SHANK2: variants seen among roughly 807,000 people sequenced by gnomAD.
SHANK2 encodes the protein SH3 and multiple ankyrin repeat domains protein 2.
In SHANK2, 43 loss-of-function variants were observed where a neutral mutation model predicts 133.7. The ratio of observed to expected loss-of-function variants is 0.32; its 90% CI spans 0.25 to 0.41. The LOEUF is 0.41. SHANK2 is among the 10% of genes least tolerant of loss of function. The pLI, the probability that SHANK2 is intolerant of heterozygous loss-of-function variation, is 1.00. For missense variants in SHANK2, 1,994 were observed against 2,235.8 expected, an observed-to-expected ratio of 0.89 and a Z score of 2.18; for synonymous variants, 1,017 against 952.8, an observed-to-expected ratio of 1.07 and a Z score of -1.24.
intron 6 of SHANK2, among the ~76,000 whole-genome samples, chr11:71,103,427 G>A (rs1025190305): frequency 1.3e-5 from 2 of 152,208 alleles, no homozygotes; most frequent in African/African-American, 2.4e-5. Context: ...AACCAGGGCA[G>A]TCCCGGGAAA....
At chr11:71,192,786 C>T (rs114514935) in intron 2 of SHANK2, among the ~76,000 whole-genome samples, 1 of 152,208 alleles carries the variant, frequency 6.6e-6, no homozygotes, top group Non-Finnish European at 1.5e-5. Flanking sequence ...GAGAGCTTAT[C>T]AAGCTATCAG....
At chr11:71,140,503 G>C (rs1184454277) in intron 3 of SHANK2, among the ~76,000 whole-genome samples, 1 of 152,236 alleles carries the variant, frequency 6.6e-6, no homozygotes, top group Non-Finnish European at 1.5e-5. Flanking sequence ...GAAGGCCCCT[G>C]ATCTCCCAAC....
chr11:70,927,892 G>C (rs1950450659), intron 10 of SHANK2, among the ~76,000 whole-genome samples: 1 of 152,158 alleles, frequency 6.6e-6, no homozygotes, highest in South Asian at 2.1e-4. Flanking sequence ...GCTCTCCCCA[G>C]CTGACTGCTG....
In SHANK2 at chr11:71,147,100, G is replaced by C; in HGVS notation, c.207+20C>G. 6.5e-7 allele frequency: 1 copy of C among 1,535,852 alleles called. No homozygotes were observed. Among genetic ancestry groups the C allele is most frequent in the South Asian group, 1.2e-5 (1 of 82,896 alleles). On this transcript the variant is annotated intron_variant, in intron 3 of 25. Coordinates refer to ENST00000601538, the MANE Select transcript of SHANK2 (RefSeq NM_012309.5). ...TGACATTGTCCAGATGTGAACCAAA[G>C]GGCAGACCACGGGGCTCACCGTCTG... is the stretch of plus-strand genomic sequence containing the variant.
chr11:71,221,130 G>T (rs1334809289), intron 2 of SHANK2, among the ~76,000 whole-genome samples: 9 of 151,742 alleles, frequency 5.9e-5, no homozygotes, highest in Admixed American at 1.3e-4. Context: ...GAGCCCGGGA[G>T]GCGGAGGTTG....
intron 9 of SHANK2, among the ~76,000 whole-genome samples, chr11:71,057,774 C>T (rs1295980083): frequency 6.6e-6 from 1 of 150,556 alleles, no homozygotes; most frequent in East Asian, 2.0e-4. Flanking sequence ...GTCTCGAACT[C>T]CTGGGCTCAA....
intron 2 of SHANK2, 115 bp from the exon 3 acceptor site, chr11:71,147,453 G>T: frequency 1.3e-6 from 1 of 743,660 alleles, no homozygotes; most frequent in Non-Finnish European, 1.9e-6. Context: ...CACAGTCTGT[G>T]TTTGTTGGTG....
chr11:70,645,071 A>C lies in SHANK2; in HGVS notation c.2061+14757T>G, dbSNP rs2061241754. Among the ~76,000 whole-genome samples the C allele has an allele frequency of 2.6e-5, 4 of 152,166 alleles. No homozygotes were observed. In the South Asian group the frequency reaches 8.3e-4, roughly 32 times the overall value. On this transcript the variant is annotated intron_variant, in intron 17 of 25. Transcript: ENST00000601538. ...ACCCAGTCTTTACTAAAACTACAAA[A>C]ATTAGCTGGGCACCTATAATCCCAG...
intron 11 of SHANK2, among the ~76,000 whole-genome samples, chr11:70,838,447 G>T (rs1253227390): frequency 6.6e-6 from 1 of 152,150 alleles, no homozygotes; most frequent in Admixed American, 6.5e-5. Context: ...TTCCTCTGAG[G>T]TGTGTTTAGT....
chr11:70,630,418 T>C (rs1452304100), intron 17 of SHANK2, among the ~76,000 whole-genome samples: 2 of 152,186 alleles, frequency 1.3e-5, no homozygotes. Context: ...GTGGCATCTC[T>C]AGGCCTCTGG....
intron 14 of SHANK2, among the ~76,000 whole-genome samples, chr11:70,729,041 C>T (rs1555031376): frequency 6.6e-6 from 1 of 151,946 alleles, no homozygotes; most frequent in Admixed American, 6.6e-5. Flanking sequence ...CCTGTCTCTA[C>T]TAAAAGTACA....
intron 2 of SHANK2, among the ~76,000 whole-genome samples, chr11:71,152,719 AGAG>A (rs1286856844): frequency 3.3e-5 from 5 of 152,142 alleles, no homozygotes; most frequent in Non-Finnish European, 1.5e-5. Flanking sequence ...AGGTGAGCAG[AGAG>A]GAGGAGAAGG....
In SHANK2 at chr11:70,674,205, C is replaced by T. The variant is rs935872808; in HGVS notation, c.1854-12527G>A. 1.8e-4 allele frequency among the ~76,000 whole-genome samples: 28 copies of T among 152,338 alleles called. 1 individual carries two copies. The highest frequency in any genetic ancestry group is 5.3e-4 in the African/African-American group (22 of 41,582). Reference sequence around the variant, plus strand: ...CTGAAGCTCTCACCAGAAGCAGATGCTGGCACCATGCTTCCTGGGCAGCCT... The same window carrying T: ...CTGAAGCTCTCACCAGAAGCAGATGTTGGCACCATGCTTCCTGGGCAGCCT... On this transcript the variant is annotated intron_variant, in intron 15 of 25. Transcript: ENST00000601538.
In SHANK2 at chr11:70,717,612, C is replaced by T. The variant is rs563449553; in HGVS notation, c.1778-18849G>A. Among the ~76,000 whole-genome samples the T allele has an allele frequency of 8.8e-4, 134 of 152,268 alleles. 2 individuals carry two copies. Among genetic ancestry groups the T allele is most frequent in the African/African-American group, 3.1e-3 (128 of 41,556 alleles). On this transcript the variant is annotated intron_variant, in intron 14 of 25. Coordinates refer to ENST00000601538, the MANE Select transcript of SHANK2 (RefSeq NM_012309.5). ...CCAAGTCCCACGGTCCTCCCGTCCC[C>T]GCAGCTCTCGTAAAGAACAAAGGCT... is the stretch of plus-strand genomic sequence containing the variant.
intron 10 of SHANK2, among the ~76,000 whole-genome samples, chr11:70,909,839 G>C (rs1282775105): frequency 6.6e-6 from 1 of 152,216 alleles, no homozygotes; most frequent in Non-Finnish European, 1.5e-5. Flanking sequence ...AAGAAATCAT[G>C]GCTGACAACG....
intron 17 of SHANK2, among the ~76,000 whole-genome samples, chr11:70,622,317 C>A (rs2060839350): frequency 6.6e-6 from 1 of 152,110 alleles, no homozygotes; most frequent in South Asian, 2.1e-4. Context: ...CTCATGTCAA[C>A]CCCCGCCCCC....
chr11:71,181,371 T>C (rs1183341049), intron 2 of SHANK2, among the ~76,000 whole-genome samples: 1 of 152,124 alleles, frequency 6.6e-6, no homozygotes, highest in Non-Finnish European at 1.5e-5. Context: ...CGGTGACATG[T>C]GCCTGCAGAC....
chr11:71,073,103 G>T (rs1423200276), intron 9 of SHANK2, among the ~76,000 whole-genome samples: 2 of 148,570 alleles, frequency 1.3e-5, no homozygotes, highest in African/African-American at 4.9e-5. Flanking sequence ...TCTGTCCCAT[G>T]CAGTGGTGGA....
At chr11:70,943,190 C>T (rs1555084706) in intron 10 of SHANK2, 1 of 430,428 alleles carries the variant, frequency 2.3e-6, no homozygotes, top group Non-Finnish European at 4.6e-6. Context: ...TGCTCAGTCA[C>T]CGACATGTTC....
Sources: gnomAD v4.1 joint callset for allele counts (sites outside exome capture counted in the v4.1 genomes callset) on GRCh38, gnomAD v4.1.1 for gene constraint, MANE v1.5 for transcripts, NCBI Gene and HGNC (gene_info 2026-07-23, HGNC 2026-07-21) for gene names.